Variants in FAM120B observed in about 807,000 individuals in gnomAD.
FAM120B encodes family with sequence similarity 120 member B.
In FAM120B, 83 loss-of-function variants were observed where a neutral mutation model predicts 96.3. That is an observed-to-expected ratio of 0.86 (90% CI 0.72 to 1.03). The LOEUF (loss-of-function observed/expected upper bound fraction) is 1.03. Among genes scored for constraint, FAM120B ranks in the 50% least tolerant of loss-of-function variants. The pLI is 0.00. For missense variants in FAM120B, 1,027 were observed against 1,121.2 expected, an observed-to-expected ratio of 0.92 and a Z score of 1.20; for synonymous variants, 407 against 402.7, an observed-to-expected ratio of 1.01 and a Z score of -0.13.
chr6:170,319,968 T>TG (rs1222803504), intron 2 of FAM120B, among the ~76,000 whole-genome samples: 1 of 152,160 alleles, frequency 6.6e-6, no homozygotes, highest in Non-Finnish European at 1.5e-5. Flanking sequence ...AGATTTTTGA[T>TG]GGGGGGCCAC....
intron 1 of FAM120B, among the ~76,000 whole-genome samples, chr6:170,307,425 A>G (rs1025628076): frequency 6.6e-6 from 1 of 152,198 alleles, no homozygotes; most frequent in African/African-American, 2.4e-5. Context: ...AGATCCCACA[A>G]TGTAGAAAGA....
At chr6:170,323,315 A>C (rs1785415809) in intron 3 of FAM120B, 56 bp downstream of exon 3, 1 of 1,454,738 alleles carries the variant, frequency 6.9e-7, no homozygotes, top group Admixed American at 2.0e-5. Context: ...GAGTTCTGAG[A>C]AACTGGCCAG....
rs1778800531 is a variant in FAM120B at position 170,406,308 on chromosome 6, T to C, written c.*1557T>C. ...CCATGGCTCTGAAGATGCCCCGTGT[T>C]CTTAGGAGGTGCTCACCCCTGGCAC... On this transcript the variant is annotated 3_prime_UTR_variant, in exon 11 of 11. Coordinates refer to ENST00000476287, the MANE Select transcript of FAM120B (RefSeq NM_032448.3). The C allele has an allele frequency of 6.6e-6, 1 of 152,170 alleles. No homozygotes were observed. Among genetic ancestry groups the C allele is most frequent in the Non-Finnish European group, 1.5e-5 (1 of 68,058 alleles). The allele number at this position is 152,170 out of a possible 1,614,324, so 9.4% of individuals were successfully genotyped here. A position where few individuals can be genotyped will look rare whatever the true frequency, so the allele number is the denominator to read the frequency against.
chr6:170,387,825 C>T (rs528958648), intron 6 of FAM120B, among the ~76,000 whole-genome samples: 2 of 152,266 alleles, frequency 1.3e-5, no homozygotes, highest in African/African-American at 4.8e-5. Flanking sequence ...AAATGATACT[C>T]TTTTGGCTTC....
At chr6:170,326,836 T>A (rs933770163) in intron 3 of FAM120B, among the ~76,000 whole-genome samples, 2 of 152,074 alleles carry the variant, frequency 1.3e-5, no homozygotes, top group Non-Finnish European at 2.9e-5. Context: ...ACTCCAAGGC[T>A]GAAGGGATCC....
intron 4 of FAM120B, among the ~76,000 whole-genome samples, chr6:170,338,336 C>G (rs890831662): frequency 6.6e-6 from 1 of 152,158 alleles, no homozygotes; most frequent in Non-Finnish European, 1.5e-5. Flanking sequence ...TGTAGTTGTG[C>G]AGTTTTAAGT....
chr6:170,330,450 T>C lies in FAM120B; in HGVS notation c.1917T>C (p.Asp639=), dbSNP rs774092382. ...VYSLLLEDCQ[D]VTSTCLAVKE... ...ACTGACCCAACTCTTTTTCTTCAGA[T>C]GTCACCAGCACCTGCCTAGCTGTCA... The change falls in exon 4 of 11, where the codon GAT becomes GAC. Residue 639 remains aspartate (D), a splice_region_variant and synonymous_variant. Coordinates refer to ENST00000476287, the MANE Select transcript of FAM120B (RefSeq NM_032448.3). 2 of 1,613,802 alleles carry C rather than the reference T, an allele frequency of 1.2e-6. No individual in the cohort carries two copies. Among genetic ancestry groups the C allele is most frequent in the South Asian group, 1.1e-5 (1 of 91,060 alleles).
rs1009757666 is a variant in FAM120B at position 170,319,128 on chromosome 6, T to C, written c.1734+4T>C. On this transcript the variant is annotated splice_donor_region_variant and intron_variant, in intron 2 of 10. Coordinates refer to ENST00000476287, the MANE Select transcript of FAM120B (RefSeq NM_032448.3). Reference sequence around the variant, plus strand: ...TTCAGACACTGAAATCTTAAAGGTATGTGTATCTGCCCAGCCAATATGCCA... The same window carrying C: ...TTCAGACACTGAAATCTTAAAGGTACGTGTATCTGCCCAGCCAATATGCCA... The C allele has an allele frequency of 2.6e-6, 4 of 1,547,760 alleles. No homozygotes were observed. Among genetic ancestry groups the C allele is most frequent in the African/African-American group, 2.8e-5 (2 of 72,322 alleles).
chr6:170,298,433 C>A (rs1053039390), intron 1 of FAM120B: 1 of 152,128 alleles, frequency 6.6e-6, no homozygotes, highest in African/African-American at 2.4e-5. Context: ...ATTCCTATTC[C>A]CTCTCTCCAC....
At chr6:170,372,423 G>A (rs1285408351) in intron 6 of FAM120B, among the ~76,000 whole-genome samples, 1 of 136,934 alleles carries the variant, frequency 7.3e-6, no homozygotes, top group African/African-American at 2.6e-5. Flanking sequence ...CAGGGGCGGG[G>A]GGGTGGGATT....
intron 4 of FAM120B, 134 bp downstream of exon 4, chr6:170,330,684 A>ATGAT: frequency 2.9e-6 from 2 of 679,666 alleles, no homozygotes; most frequent in Non-Finnish European, 5.0e-6. Flanking sequence ...CCCTTGGCTC[A>ATGAT]TGATTAATGT....
Position 170,404,557 on chromosome 6 carries a change from A to G in FAM120B, c.2700A>G (p.Arg900=). The change falls in exon 10 of 11, where the codon AGA becomes AGG. Residue 900 remains arginine (R), a synonymous_variant. Coordinates refer to ENST00000476287, the MANE Select transcript of FAM120B (RefSeq NM_032448.3). ...CATGTCTGTTTACTGCAGGAAGCAG[A>G]CAGTATGAGCATGACCAGTGGAGAA... ...QPWRDQGPGS[R]QYEHDQWRRY is the part of the protein sequence containing the mutation. 3 of 1,613,992 alleles carry G rather than the reference A, an allele frequency of 1.9e-6. No individual in the cohort carries two copies. The highest frequency in any genetic ancestry group is 2.5e-6 in the Non-Finnish European group (3 of 1,179,900).
chr6:170,347,976 C>T (rs112787049), intron 4 of FAM120B, among the ~76,000 whole-genome samples, 175 bp from the exon 5 acceptor site: 18 of 152,234 alleles, frequency 1.2e-4, no homozygotes, highest in African/African-American at 4.1e-4. Flanking sequence ...CGTATGCCAG[C>T]CCTTTAGGTT....
At position 170,330,504 on chromosome 6, in the gene FAM120B, A is replaced by G; in HGVS notation, c.1971A>G (p.Pro657=). 1 of 1,614,188 alleles carries G rather than the reference A, an allele frequency of 6.2e-7. No homozygotes were observed. Among genetic ancestry groups the G allele is most frequent in the Non-Finnish European group, 8.5e-7 (1 of 1,180,028 alleles). ...AGTGGTTTGTGTATCCTGGGAACCC[A>G]CTGAGGCACCCGGACCTCGTCAGGC... ...VKEWFVYPGN[P]LRHPDLVRPL... is the part of the protein sequence containing the mutation. Residue 657 remains proline (P), a synonymous_variant, in exon 4 of 11, where the codon CCA becomes CCG. Transcript: ENST00000476287.
At chr6:170,327,513 A>G (rs1046850384) in intron 3 of FAM120B, among the ~76,000 whole-genome samples, 4 of 152,218 alleles carry the variant, frequency 2.6e-5, no homozygotes, top group African/African-American at 9.7e-5. Context: ...TTTAAATTAT[A>G]GGCTTTATAC....
At chr6:170,354,081 A>G (rs1274190902) in intron 5 of FAM120B, among the ~76,000 whole-genome samples, 1 of 152,068 alleles carries the variant, frequency 6.6e-6, no homozygotes, top group Non-Finnish European at 1.5e-5. Context: ...GAAACATAGA[A>G]CAATGGAACA....
chr6:170,290,784 T>A (rs916307129), upstream of FAM120B: 12 of 535,486 alleles, frequency 2.2e-5, no homozygotes, highest in Admixed American at 3.3e-4. The surrounding 1 kb of genome is among the most constrained non-coding windows in gnomAD (Gnocchi z 4.7). Context: ...GTCTTTCCGA[T>A]GAATCCAGCC....
chr6:170,388,190 A>G (rs1317171775), intron 6 of FAM120B, 97 bp from the exon 7 acceptor site: 1 of 996,540 alleles, frequency 1.0e-6, no homozygotes, highest in African/African-American at 1.6e-5. Context: ...CTGAGTGAGC[A>G]TCCGTTCTGA....
At position 170,368,824 on chromosome 6, in the gene FAM120B, G is replaced by GCGGGGGT. The variant is rs147205762; in HGVS notation, c.2283+10506_2283+10507insCGGGGGT. On this transcript the variant is annotated intron_variant, in intron 6 of 10. Coordinates refer to ENST00000476287, the MANE Select transcript of FAM120B (RefSeq NM_032448.3). The stretch of plus-strand genomic sequence containing the variant: ...AGCTCTGCTGTCTGCCGGGGCTGGG[G>GCGGGGGT]GGGGGGCTCCCTCCTGGCTTGCAGG... 4.4e-5 allele frequency among the ~76,000 whole-genome samples: 5 copies of GCGGGGGT among 112,698 alleles called. No homozygotes were observed. The East Asian group carries it at 7.3e-4, about 16-fold the overall frequency. 73.9% of individuals were successfully genotyped at this position (112,698 alleles called of 152,430 possible). A position where few individuals can be genotyped will look rare whatever the true frequency, so the allele number is the denominator to read the frequency against.
Sources: allele counts gnomAD v4.1 joint callset (sites outside exome capture counted in the v4.1 genomes callset), GRCh38; gene constraint gnomAD v4.1.1; non-coding constraint Gnocchi (gnomAD v3.1); transcripts MANE v1.5; gene names NCBI Gene and HGNC (gene_info 2026-07-23, HGNC 2026-07-21).